The following SENP6 variants were observed in gnomAD, a reference collection of about 807,000 sequenced individuals.
The protein encoded by SENP6 is sentrin-specific protease 6.
SENP6 carries 41 observed loss-of-function variants against 134.5 expected under a neutral mutation model. The ratio of observed to expected loss-of-function variants is 0.30; its 90% CI spans 0.24 to 0.40. The LOEUF is 0.40. Ranked by LOEUF, SENP6 falls within the 10% of genes least tolerant of loss-of-function variation. The pLI is 1.00. For missense variants in SENP6, 1,248 were observed against 1,312.5 expected (o/e 0.95, Z 0.76); for synonymous variants, 395 against 429.8 (o/e 0.92, Z 1.00).
Position 75,709,554 on chromosome 6 carries a change from A to T in SENP6, c.2744A>T (p.Tyr915Phe). ...GGCTTAAGCAAAATCAGACTAAACT[A>T]TAGCGATGAATCACCTGAAGCTGGT... ...TDGLSKIRLN[Y>F]SDESPEAGKM... The change falls in exon 20 of 24, where the codon TAT (tyrosine) becomes TTT (phenylalanine). Residue 915 changes from tyrosine to phenylalanine, a missense_variant. Physicochemically the swap from Tyr to Phe is conservative, Grantham distance 22 (BLOSUM62 3). This residue lies in a region of SENP6 where 386 missense variants were observed against 395.0 expected (regional missense o/e 0.98). Transcript: ENST00000447266. 6.2e-7 allele frequency: 1 copy of T among 1,613,964 alleles called. No individual in the cohort carries two copies. Among genetic ancestry groups the T allele is most frequent in the East Asian group, 2.2e-5 (1 of 44,854 alleles).
At chr6:75,664,005 T>C (rs1771991117) in intron 9 of SENP6, among the ~76,000 whole-genome samples, 1 of 152,120 alleles carries the variant, frequency 6.6e-6, no homozygotes, top group East Asian at 1.9e-4. Flanking sequence ...TGGGGACTGG[T>C]TGACTAGAGT....
At chr6:75,669,506 G>T (rs1772507266) in intron 10 of SENP6, among the ~76,000 whole-genome samples, 1 of 151,916 alleles carries the variant, frequency 6.6e-6, no homozygotes, top group Non-Finnish European at 1.5e-5. Flanking sequence ...AGGATAATGG[G>T]AATGGTGGAC....
At chr6:75,711,494 TTAAA>T (rs1775744284) in intron 21 of SENP6, 78 bp downstream of exon 21, 3 of 904,596 alleles carry the variant, frequency 3.3e-6, no homozygotes, top group Admixed American at 2.9e-5. Context: ...AGTTTTTTTT[TTAAA>T]TAAATACTTA....
chr6:75,675,834 T>C, intron 12 of SENP6, 26 bp from the exon 13 acceptor site: 1 of 1,548,264 alleles, frequency 6.5e-7, no homozygotes, highest in African/African-American at 1.4e-5. Context: ...AAGAATTATT[T>C]TTCCATTTCA....
chr6:75,626,130 TG>T (rs1234610762), intron 3 of SENP6, among the ~76,000 whole-genome samples: 2 of 151,628 alleles, frequency 1.3e-5, no homozygotes, highest in Non-Finnish European at 2.9e-5. Context: ...TTAGGTTTGT[TG>T]TTGTTGTTGT....
At chr6:75,639,991 C>G (rs1769902130) in intron 5 of SENP6, among the ~76,000 whole-genome samples, 1 of 152,122 alleles carries the variant, frequency 6.6e-6, no homozygotes, top group Admixed American at 6.5e-5. Context: ...TAACCATTCC[C>G]TTATTAGTAG....
intron 6 of SENP6, among the ~76,000 whole-genome samples, chr6:75,641,713 C>T (rs1313476600): frequency 6.6e-6 from 1 of 152,070 alleles, no homozygotes; most frequent in South Asian, 2.1e-4. Context: ...CAAGGTGGCT[C>T]ACACCTATAA....
chr6:75,619,999 G>A lies in SENP6; in HGVS notation c.53-1533G>A, dbSNP rs190205454. 1.6e-4 allele frequency among the ~76,000 whole-genome samples: 24 copies of A among 151,572 alleles called. No individual in the cohort carries two copies. The East Asian group carries it at 3.7e-3, about 23-fold the overall frequency. On this transcript the variant is annotated intron_variant, in intron 1 of 23. Transcript: ENST00000447266. ...TCCCAGCTACTCCATAGGCTGAGGCGGGAAGATCATTTGGGCCCAAGAAGT... is the reference window on the plus strand; with the variant it reads ...TCCCAGCTACTCCATAGGCTGAGGCAGGAAGATCATTTGGGCCCAAGAAGT...
chr6:75,711,496 A>T lies in SENP6; in HGVS notation c.2909+80A>T, dbSNP rs181057585. On this transcript the variant is annotated intron_variant, in intron 21 of 23. Transcript: ENST00000447266. Reference sequence around the variant, plus strand: ...AACATAACAGGACAGTTTTTTTTTTAAATAAATACTTAAGCAAAACTCATA... The same window carrying T: ...AACATAACAGGACAGTTTTTTTTTTTAATAAATACTTAAGCAAAACTCATA... 802 of 820,364 alleles carry T rather than the reference A, an allele frequency of 9.8e-4. 7 individuals are homozygous for T. The African/African-American group carries it at 0.012, about 13-fold the overall frequency. 50.8% of individuals were successfully genotyped at this position (820,364 alleles called of 1,614,324 possible).
chr6:75,713,179 T>C (rs1302260314), intron 21 of SENP6, among the ~76,000 whole-genome samples: 1 of 152,192 alleles, frequency 6.6e-6, no homozygotes, highest in Non-Finnish European at 1.5e-5. Flanking sequence ...AATATGGGGA[T>C]GTTCAATTTT....
At position 75,707,355 on chromosome 6, in the gene SENP6, C is replaced by CTT. The variant is rs10564996; in HGVS notation, c.2717-2147_2717-2146dup. On this transcript the variant is annotated intron_variant, in intron 19 of 23. Transcript: ENST00000447266. ...CATTATTTTTTTCTTTCTTCTTCTT[C>CTT]TTTTTTTTTTTTTTTTTTTTTTTTT... is the stretch of plus-strand genomic sequence containing the variant. Among the ~76,000 whole-genome samples, 721 of 74,528 alleles carry CTT rather than the reference C, an allele frequency of 9.7e-3. 19 individuals are homozygous for CTT. The highest frequency in any genetic ancestry group is 0.012 in the African/African-American group (235 of 19,152). 48.9% of individuals were successfully genotyped at this position (74,528 alleles called of 152,430 possible).
intron 16 of SENP6, among the ~76,000 whole-genome samples, chr6:75,682,922 G>T (rs1401450780): frequency 6.6e-6 from 1 of 152,150 alleles, no homozygotes; most frequent in African/African-American, 2.4e-5. Flanking sequence ...TATATACCAG[G>T]TAATGGGATT....
intron 14 of SENP6, 119 bp downstream of exon 14, chr6:75,677,375 T>C (rs1474233722): frequency 2.5e-6 from 2 of 789,608 alleles, no homozygotes; most frequent in Admixed American, 6.5e-5. Flanking sequence ...ATTTCAGAAT[T>C]ACTTACTTTT....
intron 3 of SENP6, among the ~76,000 whole-genome samples, chr6:75,631,336 T>C (rs1252457699): frequency 6.6e-6 from 1 of 152,234 alleles, no homozygotes; most frequent in East Asian, 1.9e-4. Context: ...CTCAATGAAC[T>C]ATTCATTGAT....
At chr6:75,605,066 A>G (rs1221162184) in intron 1 of SENP6, among the ~76,000 whole-genome samples, 2 of 152,362 alleles carry the variant, frequency 1.3e-5, no homozygotes, top group Non-Finnish European at 2.9e-5. Context: ...GAGCGAAACT[A>G]CATCTCAAAT....
At chr6:75,624,514 A>G (rs1768517462) in intron 3 of SENP6, among the ~76,000 whole-genome samples, 1 of 152,122 alleles carries the variant, frequency 6.6e-6, no homozygotes, top group Non-Finnish European at 1.5e-5. Flanking sequence ...TTCCATCGAT[A>G]TCTGAACGTA....
At chr6:75,642,812 A>G (rs1229728074) in intron 6 of SENP6, among the ~76,000 whole-genome samples, 1 of 152,218 alleles carries the variant, frequency 6.6e-6, no homozygotes, top group South Asian at 2.1e-4. Flanking sequence ...AGGCTGGGCA[A>G]GTTCCTCTCT....
intron 1 of SENP6, among the ~76,000 whole-genome samples, chr6:75,606,632 C>CTA (rs1767049254): frequency 6.6e-6 from 1 of 152,102 alleles, no homozygotes; most frequent in South Asian, 2.1e-4. Context: ...ATTGTTTATA[C>CTA]AAGTTGAACA....
At chr6:75,650,992 T>C (rs758818588) in intron 7 of SENP6, among the ~76,000 whole-genome samples, 55 of 152,218 alleles carry the variant, frequency 3.6e-4, no homozygotes, top group Non-Finnish European at 6.9e-4. Context: ...TTATAAGTTA[T>C]AGCCACATAT....
Sources: allele counts gnomAD v4.1 joint callset (sites outside exome capture counted in the v4.1 genomes callset), GRCh38; gene constraint gnomAD v4.1.1; regional missense constraint gnomAD v4.1.1; transcripts MANE v1.5; gene names NCBI Gene and HGNC (gene_info 2026-07-23, HGNC 2026-07-21).